Variants in ZNF804B observed in about 807,000 individuals in gnomAD.
ZNF804B encodes zinc finger protein 804B.
In ZNF804B, 80 loss-of-function variants were observed where a neutral mutation model predicts 101.4. That is an observed-to-expected ratio of 0.79 (90% CI 0.66 to 0.95). ZNF804B has a LOEUF of 0.95. Ranked by LOEUF, ZNF804B falls within the 40% of genes least tolerant of loss-of-function variation. ZNF804B has a pLI of 0.00. For missense variants in ZNF804B, 1,673 were observed against 1,561.9 expected (o/e 1.07, Z -1.20); for synonymous variants, 622 against 558.8 (o/e 1.11, Z -1.59).
chr7:89,279,616 G>T (rs1790048541), intron 2 of ZNF804B, among the ~76,000 whole-genome samples: 1 of 152,094 alleles, frequency 6.6e-6, no homozygotes, highest in Admixed American at 6.5e-5. Flanking sequence ...TAATCTTGTG[G>T]TTTTTGTCAT....
At chr7:88,819,630 A>T (rs532247342) in intron 1 of ZNF804B, among the ~76,000 whole-genome samples, 1 of 152,294 alleles carries the variant, frequency 6.6e-6, no homozygotes, top group South Asian at 2.1e-4. Context: ...CTAAGTGTAT[A>T]CACTTTTATC....
At chr7:89,282,561 A>G (rs534535156) in intron 2 of ZNF804B, among the ~76,000 whole-genome samples, 2 of 152,194 alleles carry the variant, frequency 1.3e-5, no homozygotes, top group African/African-American at 4.8e-5. Flanking sequence ...CTCTCCTCTT[A>G]AACAGGAGGT....
intron 1 of ZNF804B, among the ~76,000 whole-genome samples, chr7:88,916,972 A>C (rs1792641684): frequency 1.3e-5 from 2 of 152,084 alleles, no homozygotes; most frequent in South Asian, 4.1e-4. Flanking sequence ...GTTTCAAAAA[A>C]ATTAATATTG....
intron 1 of ZNF804B, among the ~76,000 whole-genome samples, chr7:89,014,889 T>A (rs2116200941): frequency 6.6e-6 from 1 of 152,342 alleles, no homozygotes; most frequent in Non-Finnish European, 1.5e-5. Context: ...TTTTATCACC[T>A]GTTCTTCTGA....
chr7:89,103,048 GTTTTTTTTTTTTTTT>G (rs56693128), intron 1 of ZNF804B, among the ~76,000 whole-genome samples: 723 of 33,766 alleles, frequency 0.021, 14 homozygotes, highest in African/African-American at 0.071. Flanking sequence ...CTATGTGTCT[GTTTTTTTTTTTTTTT>G]TTTTTTTTTT....
intron 1 of ZNF804B, among the ~76,000 whole-genome samples, chr7:88,910,659 T>A (rs1018847413): frequency 1.3e-5 from 2 of 151,896 alleles, no homozygotes; most frequent in African/African-American, 4.8e-5. Flanking sequence ...GCATGTTCCT[T>A]CTCCACATTT....
intron 1 of ZNF804B, among the ~76,000 whole-genome samples, chr7:88,904,948 T>C (rs991978233): frequency 6.6e-6 from 1 of 152,222 alleles, no homozygotes; most frequent in African/African-American, 2.4e-5. Flanking sequence ...TTTCTTTCTC[T>C]TAACTTACTG....
intron 1 of ZNF804B, among the ~76,000 whole-genome samples, chr7:88,898,546 A>T (rs1654159855): frequency 6.6e-6 from 1 of 151,706 alleles, no homozygotes; most frequent in African/African-American, 2.4e-5. Context: ...TTGGAATCCA[A>T]ATATAGTTAT....
intron 1 of ZNF804B, among the ~76,000 whole-genome samples, chr7:89,034,852 T>C (rs555715259): frequency 6.6e-6 from 1 of 152,272 alleles, no homozygotes; most frequent in African/African-American, 2.4e-5. Flanking sequence ...TTTGAACTGA[T>C]TTACACTCCC....
chr7:89,065,425 T>G (rs1263931322), intron 1 of ZNF804B, among the ~76,000 whole-genome samples: 1 of 152,266 alleles, frequency 6.6e-6, no homozygotes, highest in Non-Finnish European at 1.5e-5. Context: ...ATGCATCGTA[T>G]GTATTTTTTT....
chr7:88,901,617 T>A (rs970484548), intron 1 of ZNF804B, among the ~76,000 whole-genome samples: 4 of 151,288 alleles, frequency 2.6e-5, no homozygotes, highest in Non-Finnish European at 5.9e-5. Context: ...GATCTTAAAG[T>A]GGTTATATTA....
intron 1 of ZNF804B, among the ~76,000 whole-genome samples, chr7:88,819,373 A>G (rs752817114): frequency 1.3e-5 from 2 of 151,970 alleles, no homozygotes; most frequent in Non-Finnish European, 2.9e-5. Context: ...TCAAGTGATC[A>G]GCCTGCCTCA....
At chr7:89,022,588 T>C (rs6947884) in intron 1 of ZNF804B, among the ~76,000 whole-genome samples, 125,119 of 152,180 alleles carry the variant, frequency 0.82, 51,929 homozygotes, top group African/African-American at 0.94. Flanking sequence ...GCACATAGGC[T>C]TGTAGGACAG....
At chr7:88,877,005 A>ATATATATATATATATATATATATAT (rs1487011441) in intron 1 of ZNF804B, among the ~76,000 whole-genome samples, 1 of 85,066 alleles carries the variant, frequency 1.2e-5, no homozygotes, top group African/African-American at 8.9e-5. Context: ...TTTGAAAAAA[A>ATATATATATATATATATATATATAT]AAATATATAT....
chr7:89,294,644 C>A (rs1790350516), intron 2 of ZNF804B, among the ~76,000 whole-genome samples: 1 of 151,848 alleles, frequency 6.6e-6, no homozygotes, highest in African/African-American at 2.4e-5. Flanking sequence ...CCTGTTAATT[C>A]TTTGATAATT....
chr7:89,196,972 AT>A (rs1788563237), intron 1 of ZNF804B, among the ~76,000 whole-genome samples: 1 of 152,028 alleles, frequency 6.6e-6, no homozygotes, highest in African/African-American at 2.4e-5. Context: ...AAAACAACAG[AT>A]GCTGGCAAGT....
intron 1 of ZNF804B, among the ~76,000 whole-genome samples, chr7:89,130,125 G>C (rs2373798): frequency 0.51 from 77,343 of 151,730 alleles, 21,115 homozygotes; most frequent in African/African-American, 0.72. Flanking sequence ...AAATGAAACA[G>C]AAAAGACTAC....
At chr7:89,269,840 CT>C (rs1337102295) in intron 2 of ZNF804B, among the ~76,000 whole-genome samples, 2 of 152,088 alleles carry the variant, frequency 1.3e-5, no homozygotes, top group Non-Finnish European at 2.9e-5. Context: ...TTTCATGTGT[CT>C]GTTGGCTGCC....
chr7:89,153,037 A>C (rs997415545), intron 1 of ZNF804B, among the ~76,000 whole-genome samples: 16 of 152,118 alleles, frequency 1.1e-4, no homozygotes, highest in African/African-American at 3.9e-4. Flanking sequence ...ATTATTATAA[A>C]CTAAGACTCA....
Sources: allele counts gnomAD v4.1 joint callset (sites outside exome capture counted in the v4.1 genomes callset), GRCh38; gene constraint gnomAD v4.1.1; transcripts MANE v1.5; gene names NCBI Gene and HGNC (gene_info 2026-07-23, HGNC 2026-07-21).